Variants in HBB observed in about 807,000 individuals in gnomAD.
HBB encodes hemoglobin subunit beta.
In HBB, 18 loss-of-function variants were observed where a neutral mutation model predicts 9.7. That is an observed-to-expected ratio of 1.86 (90% CI 1.28 to 2.76). The LOEUF is 2.76. Ranked by LOEUF, HBB falls within the 30% of genes most tolerant of loss-of-function variation. HBB has a pLI of 0.00. For missense variants in HBB, 156 were observed against 177.0 expected (o/e 0.88, Z 0.67); for synonymous variants, 99 against 73.6 (o/e 1.35, Z -1.77).
chr11:5,226,472 G>C lies in HBB; in HGVS notation c.315+105C>G. The C allele has an allele frequency of 9.8e-7, 1 of 1,023,946 alleles. No homozygotes were observed. Among genetic ancestry groups the C allele is most frequent in the Non-Finnish European group, 1.5e-6 (1 of 653,406 alleles). 63.4% of individuals were successfully genotyped at this position (1,023,946 alleles called of 1,614,324 possible). A position where few individuals can be genotyped will look rare whatever the true frequency, so the allele number is the denominator to read the frequency against. On this transcript the variant is annotated intron_variant, in intron 2 of 2. Transcript: ENST00000335295. Reference sequence around the variant, plus strand: ...TCCACACTGATGCAATCATTCGTCTGTTTCCCATTCTAAACTGTACCCTGT... The same window carrying C: ...TCCACACTGATGCAATCATTCGTCTCTTTCCCATTCTAAACTGTACCCTGT...
Position 5,225,645 on chromosome 11 carries a change from TCTGATAGGCAGCCTGCA to T in HBB, c.380_396del (p.Val127GlufsTer8), listed in dbSNP as rs750606223. 1 of 1,614,096 alleles carries T rather than the reference TCTGATAGGCAGCCTGCA, an allele frequency of 6.2e-7. No individual in the cohort carries two copies. The highest frequency in any genetic ancestry group is 1.1e-5 in the South Asian group (1 of 91,080). ...GCATTAGCCACACCAGCCACCACTT[TCTGATAGGCAGCCTGCA>T]CTGGTGGGGTGAATTCTTTGCCAAA... is the stretch of plus-strand genomic sequence containing the variant. On this transcript the variant is annotated frameshift_variant, in exon 3 of 3. Transcript: ENST00000335295. LOFTEE classifies it high-confidence loss of function.
rs34726542 is a variant in HBB at position 5,225,679 on chromosome 11, T to G, written c.363A>C (p.Lys121Asn). The G allele has an allele frequency of 6.2e-7, 1 of 1,614,094 alleles. No individual in the cohort carries two copies. Among genetic ancestry groups the G allele is most frequent in the Admixed American group, 1.7e-5 (1 of 60,018 alleles). The change falls in exon 3 of 3, where the codon AAA (lysine) becomes AAC (asparagine). Residue 121 changes from lysine (K) to asparagine (N), a missense_variant. Transcript: ENST00000335295. ...CAGCCTGCACTGGTGGGGTGAATTCTTTGCCAAAGTGATGGGCCAGCACAC... is the reference window on the plus strand; with the variant it reads ...CAGCCTGCACTGGTGGGGTGAATTCGTTGCCAAAGTGATGGGCCAGCACAC... ...LVCVLAHHFG[K>N]EFTPPVQAAY...
rs2133587466 is a variant in HBB at position 5,226,429 on chromosome 11, T to C, written c.315+148A>G. ...GTTATGAACAGCAAATAAAAGAAAC[T>C]AAAACGATCCTGAGACTTCCACACT... On this transcript the variant is annotated intron_variant, in intron 2 of 2. Transcript: ENST00000335295. The C allele has an allele frequency of 1.3e-6, 1 of 751,488 alleles. No individual in the cohort carries two copies. Among genetic ancestry groups the C allele is most frequent in the Admixed American group, 2.4e-5 (1 of 41,382 alleles). The allele number at this position is 751,488 out of a possible 1,614,324, so 46.6% of individuals were successfully genotyped here.
chr11:5,226,939 G>A lies in HBB; in HGVS notation c.83C>T (p.Ala28Val), dbSNP rs33954632. The A allele has an allele frequency of 1.2e-6, 2 of 1,613,252 alleles. No homozygotes were observed. The highest frequency in any genetic ancestry group is 2.2e-5 in the East Asian group (1 of 44,872). ...TAACCTTGATACCAACCTGCCCAGG[G>A]CCTCACCACCAACTTCATCCACGTT... Reference protein sequence around the residue: ...KVNVDEVGGEALGRLLVVYPW... With the variant: ...KVNVDEVGGEVLGRLLVVYPW... Residue 28 changes from alanine to valine, a missense_variant, in exon 1 of 3, where the codon GCC becomes GTC. Coordinates refer to ENST00000335295, the MANE Select transcript of HBB (RefSeq NM_000518.5).
At position 5,225,479 on chromosome 11, in the gene HBB, A is replaced by G. The variant is rs1589891046; in HGVS notation, c.*119T>C. Reference sequence around the variant, plus strand: ...AAATACATCATTGCAATGAAAATAAATGTTTTTTATTAGGCAGAATCCAGA... The same window carrying G: ...AAATACATCATTGCAATGAAAATAAGTGTTTTTTATTAGGCAGAATCCAGA... On this transcript the variant is annotated 3_prime_UTR_variant, in exon 3 of 3. Coordinates refer to ENST00000335295, the MANE Select transcript of HBB (RefSeq NM_000518.5). 1 of 935,402 alleles carries G rather than the reference A, an allele frequency of 1.1e-6. No homozygotes were observed. Among genetic ancestry groups the G allele is most frequent in the Non-Finnish European group, 1.8e-6 (1 of 569,824 alleles). 57.9% of individuals were successfully genotyped at this position (935,402 alleles called of 1,614,324 possible). A position where few individuals can be genotyped will look rare whatever the true frequency, so the allele number is the denominator to read the frequency against.
chr11:5,226,153 T>C (rs1847541929), intron 2 of HBB: 1 of 295,256 alleles, frequency 3.4e-6, no homozygotes, highest in African/African-American at 2.2e-5. Flanking sequence ...CCCATAAATA[T>C]GTATAATGAT....
Position 5,226,826 on chromosome 11 carries a change from G to T in HBB, c.93-27C>A, listed in dbSNP as rs376272324. ...TAAGGGTGGGAAAATAGACCAATAG[G>T]CAGAGAGAGTCAGTGCCTATCAGAA... On this transcript the variant is annotated intron_variant, in intron 1 of 2. Transcript: ENST00000335295. The T allele has an allele frequency of 1.9e-6, 3 of 1,605,714 alleles. No individual in the cohort carries two copies. The South Asian group carries it at 3.3e-5, about 18-fold the overall frequency.
In HBB at chr11:5,226,723, C is replaced by T. The variant is rs33935983; in HGVS notation, c.169G>A (p.Gly57Ser). 1 of 1,614,066 alleles carries T rather than the reference C, an allele frequency of 6.2e-7. No homozygotes were observed. The highest frequency in any genetic ancestry group is 1.7e-5 in the Admixed American group (1 of 60,010). ...CCATGAGCCTTCACCTTAGGGTTGC[C>T]CATAACAGCATCAGGAGTGGACAGA... is the stretch of plus-strand genomic sequence containing the variant. Reference protein sequence around the residue: ...GDLSTPDAVMGNPKVKAHGKK... With the variant: ...GDLSTPDAVMSNPKVKAHGKK... The change falls in exon 2 of 3, where the codon GGC becomes AGC. Residue 57 changes from glycine to serine, a missense_variant. By Grantham distance (56) the Gly-to-Ser change is moderately conservative (BLOSUM62 0). Transcript: ENST00000335295.
rs1364427740 is a variant in HBB at position 5,225,565 on chromosome 11, C to G, written c.*33G>C. 1 of 1,612,934 alleles carries G rather than the reference C, an allele frequency of 6.2e-7. No homozygotes were observed. Among genetic ancestry groups the G allele is most frequent in the East Asian group, 2.2e-5 (1 of 44,872 alleles). On this transcript the variant is annotated 3_prime_UTR_variant, in exon 3 of 3. Coordinates refer to ENST00000335295, the MANE Select transcript of HBB (RefSeq NM_000518.5). ...AGTTGGACTTAGGGAACAAAGGAAC[C>G]TTTAATAGAAATTGGACAGCAAGAA...
At position 5,225,807 on chromosome 11, in the gene HBB, A is replaced by T. The variant is rs911937119; in HGVS notation, c.316-81T>A. The T allele has an allele frequency of 3.4e-6, 5 of 1,458,128 alleles. No homozygotes were observed. The African/African-American group carries it at 7.0e-5, about 20-fold the overall frequency. The allele number at this position is 1,458,128 out of a possible 1,614,324, so 90.3% of individuals were successfully genotyped here. The stretch of plus-strand genomic sequence containing the variant: ...CTCAGAATAATCCAGCCTTATCCCA[A>T]CCATAAAATAAAAGCAGAATGGTAG... On this transcript the variant is annotated intron_variant, in intron 2 of 2. Coordinates refer to ENST00000335295, the MANE Select transcript of HBB (RefSeq NM_000518.5).
In HBB at chr11:5,226,572, C is replaced by T. The variant is rs35099082; in HGVS notation, c.315+5G>A. The T allele has an allele frequency of 4.3e-6, 7 of 1,613,238 alleles. No homozygotes were observed. The highest frequency in any genetic ancestry group is 1.7e-5 in the Admixed American group (1 of 60,000). ...AAGAAAACATCAAGCGTCCCATAGA[C>T]TCACCCTGAAGTTCTCAGGATCCAC... On this transcript the variant is annotated splice_donor_5th_base_variant and intron_variant, in intron 2 of 2. Transcript: ENST00000335295.
In HBB at chr11:5,226,955, C is replaced by A. The variant is rs33959855; in HGVS notation, c.67G>T (p.Glu23Ter). The A allele has an allele frequency of 6.2e-7, 1 of 1,613,888 alleles. No individual in the cohort carries two copies. The highest frequency in any genetic ancestry group is 1.3e-5 in the African/African-American group (1 of 75,048). Residue 23 changes from glutamate (E) to a stop codon, truncating the protein, a stop_gained, in exon 1 of 3, where the codon GAA becomes TAA. Coordinates refer to ENST00000335295, the MANE Select transcript of HBB (RefSeq NM_000518.5). LOFTEE classifies it high-confidence loss of function. ...TALWGKVNVD[E>*]VGGEALGRLL... ...CTGCCCAGGGCCTCACCACCAACTTCATCCACGTTCACCTTGCCCCACAGG... is the reference window on the plus strand; with the variant it reads ...CTGCCCAGGGCCTCACCACCAACTTAATCCACGTTCACCTTGCCCCACAGG...
At position 5,227,032 on chromosome 11, in the gene HBB, T is replaced by G. The variant is rs1447873672; in HGVS notation, c.-11A>C. 1.3e-6 allele frequency: 2 copies of G among 1,560,368 alleles called. No individual in the cohort carries two copies. Among genetic ancestry groups the G allele is most frequent in the African/African-American group, 2.7e-5 (2 of 73,758 alleles). ...AGTCAGATGCACCATGGTGTCTGTT[T>G]GAGGTTGCTAGTGAACACAGTTGTG... On this transcript the variant is annotated 5_prime_UTR_variant, in exon 1 of 3. Transcript: ENST00000335295.
rs145669504 is a variant in HBB at position 5,226,646 on chromosome 11, G to C, written c.246C>G (p.Leu82=). The C allele has an allele frequency of 6.8e-6, 11 of 1,614,036 alleles. No homozygotes were observed. The Admixed American group carries it at 1.7e-4, about 24-fold the overall frequency. The change falls in exon 2 of 3, where the codon CTC becomes CTG. Residue 82 remains leucine (L), a synonymous_variant. Coordinates refer to ENST00000335295, the MANE Select transcript of HBB (RefSeq NM_000518.5). ...FSDGLAHLDN[L]KGTFATLSEL... is the part of the protein sequence containing the mutation. ...CACTCAGTGTGGCAAAGGTGCCCTT[G>C]AGGTTGTCCAGGTGAGCCAGGCCAT...
In HBB at chr11:5,226,016, G is replaced by GCCCT. The variant is rs1415909527; in HGVS notation, c.316-291_316-290insAGGG. On this transcript the variant is annotated intron_variant, in intron 2 of 2. Coordinates refer to ENST00000335295, the MANE Select transcript of HBB (RefSeq NM_000518.5). ...TATTGCCCTGAAAGAAAGAGATTAGGGAAAGTATTAGAAATAAGATAAACA... is the reference window on the plus strand; with the variant it reads ...TATTGCCCTGAAAGAAAGAGATTAGGCCCTGAAAGTATTAGAAATAAGATAAACA... Among the ~76,000 whole-genome samples the GCCCT allele has an allele frequency of 2.0e-5, 3 of 151,854 alleles. No individual in the cohort carries two copies. The East Asian group carries it at 5.8e-4, about 29-fold the overall frequency.
Position 5,227,061 on chromosome 11 carries a change from G to T in HBB, c.-40C>A. ...GTTGCTAGTGAACACAGTTGTGTCA[G>T]AAGCAAATGTAAGCAATAGATGGCT... On this transcript the variant is annotated 5_prime_UTR_variant, in exon 1 of 3. In the 5' UTR this introduces an upstream ATG that the reference lacks. Transcript: ENST00000335295. 1 of 1,340,486 alleles carries T rather than the reference G, an allele frequency of 7.5e-7. No individual in the cohort carries two copies. The highest frequency in any genetic ancestry group is 1.1e-6 in the Non-Finnish European group (1 of 929,252). The allele number at this position is 1,340,486 out of a possible 1,614,324, so 83.0% of individuals were successfully genotyped here.
At position 5,225,573 on chromosome 11, in the gene HBB, G is replaced by C. The variant is rs755997419; in HGVS notation, c.*25C>G. On this transcript the variant is annotated 3_prime_UTR_variant, in exon 3 of 3. Transcript: ENST00000335295. ...TTAGGGAACAAAGGAACCTTTAATA[G>C]AAATTGGACAGCAAGAAAGCGAGCT... 1.2e-6 allele frequency: 2 copies of C among 1,613,556 alleles called. No homozygotes were observed. The highest frequency in any genetic ancestry group is 1.7e-6 in the Non-Finnish European group (2 of 1,179,498).
In HBB at chr11:5,226,975, CA is replaced by C. The variant is rs63749960; in HGVS notation, c.46del (p.Trp16GlyfsTer4). On this transcript the variant is annotated frameshift_variant, in exon 1 of 3. Transcript: ENST00000335295. LOFTEE classifies it high-confidence loss of function. ...PEEKSAVTAL[W>X]GKVNVDEVGG... ...AACTTCATCCACGTTCACCTTGCCC[CA>C]CAGGGCAGTAACGGCAGACTTCTCC... 1.2e-6 allele frequency: 2 copies of C among 1,613,724 alleles called. No individual in the cohort carries two copies. Among genetic ancestry groups the C allele is most frequent in the South Asian group, 1.1e-5 (1 of 91,078 alleles).
intron 2 of HBB, 99 bp downstream of exon 2, chr11:5,226,478 C>A (rs2133587539): frequency 9.2e-7 from 1 of 1,083,624 alleles, no homozygotes; most frequent in South Asian, 1.3e-5. Flanking sequence ...GTCTGTTTCC[C>A]ATTCTAAACT....
Sources: gnomAD v4.1 joint callset for allele counts (sites outside exome capture counted in the v4.1 genomes callset) on GRCh38, gnomAD v4.1.1 for gene constraint, MANE v1.5 for transcripts, NCBI Gene and HGNC (gene_info 2026-07-23, HGNC 2026-07-21) for gene names.